Variants in DENND1B observed in about 807,000 individuals in gnomAD.
The protein encoded by DENND1B is DENN domain-containing protein 1B.
A neutral mutation model predicts 90.1 loss-of-function variants in DENND1B; 59 were observed. The ratio of observed to expected loss-of-function variants is 0.65; its 90% CI spans 0.53 to 0.81. DENND1B has a LOEUF of 0.81. Ranked by LOEUF, DENND1B falls within the 40% of genes least tolerant of loss-of-function variation. The probability of loss-of-function intolerance (pLI) is 0.00; values close to 1 mark genes in which losing one functional copy is unlikely to be tolerated. For synonymous variants in DENND1B, 337 were observed against 324.6 expected, an observed-to-expected ratio of 1.04 and a Z score of -0.41; for missense variants, 862 against 912.6, an observed-to-expected ratio of 0.94 and a Z score of 0.71.
chr1:197,775,583 GGGCCAGGTCCCCGCGCCCGGGC>G (rs1657219524), upstream of DENND1B: 1 of 155,642 alleles, frequency 6.4e-6, no homozygotes, highest in South Asian at 2.1e-4. Context: ...GAGGAGGCGG[GGGCCAGGTCCCCGCGCCCGGGC>G]GGCCAGAGGG....
At chr1:197,767,230 T>C (rs1300866698) in intron 2 of DENND1B, among the ~76,000 whole-genome samples, 1 of 152,036 alleles carries the variant, frequency 6.6e-6, no homozygotes, top group Non-Finnish European at 1.5e-5. Context: ...TTTAGACACA[T>C]CAGTATTTCT....
chr1:197,617,280 A>G lies in DENND1B; in HGVS notation c.773+379T>C, dbSNP rs552471335. ...GTAACAAGAGTATGCCCTGACAGAG[A>G]CAATGTGGTTGCTGGCAGATTTGCC... is the stretch of plus-strand genomic sequence containing the variant. On this transcript the variant is annotated intron_variant, in intron 11 of 22. Coordinates refer to ENST00000620048, the MANE Select transcript of DENND1B (RefSeq NM_001195215.2). 3.3e-5 allele frequency among the ~76,000 whole-genome samples: 5 copies of G among 151,124 alleles called. 1 individual carries two copies. In the South Asian group the frequency reaches 1.0e-3, roughly 31 times the overall value.
intron 13 of DENND1B, among the ~76,000 whole-genome samples, chr1:197,598,996 CCATG>C (rs1675957970): frequency 6.6e-6 from 1 of 151,776 alleles, no homozygotes; most frequent in African/African-American, 2.4e-5. Flanking sequence ...AAGCAGCCAT[CCATG>C]GGAAGAATTA....
intron 15 of DENND1B, among the ~76,000 whole-genome samples, chr1:197,556,377 AT>A (rs1319884804): frequency 2.0e-5 from 3 of 152,044 alleles, no homozygotes; most frequent in African/African-American, 7.2e-5. Flanking sequence ...GGAAACAACT[AT>A]TAATGGAAAA....
intron 5 of DENND1B, among the ~76,000 whole-genome samples, chr1:197,671,313 T>TA (rs1219955127): frequency 2.0e-5 from 3 of 152,162 alleles, no homozygotes; most frequent in Admixed American, 6.6e-5. Context: ...CCTTTCTTCC[T>TA]AACAGTCAGC....
At chr1:197,774,228 AT>A (rs1471226540) in intron 1 of DENND1B, among the ~76,000 whole-genome samples, 1 of 152,160 alleles carries the variant, frequency 6.6e-6, no homozygotes, top group African/African-American at 2.4e-5. Context: ...TCTTTCCCTA[AT>A]ATTCTTTAGA....
At chr1:197,729,555 G>T (rs989477604) in intron 2 of DENND1B, among the ~76,000 whole-genome samples, 2 of 152,090 alleles carry the variant, frequency 1.3e-5, no homozygotes, top group Non-Finnish European at 2.9e-5. Context: ...ACAAGCAAAT[G>T]AGCAGAGTAA....
At chr1:197,638,180 A>G (rs1470815756) in intron 10 of DENND1B, among the ~76,000 whole-genome samples, 1 of 152,248 alleles carries the variant, frequency 6.6e-6, no homozygotes, top group Admixed American at 6.5e-5. Context: ...GGGGGCAACT[A>G]TAACAAAGGA....
intron 15 of DENND1B, among the ~76,000 whole-genome samples, chr1:197,566,347 T>G (rs1418208781): frequency 6.6e-6 from 1 of 152,114 alleles, no homozygotes; most frequent in African/African-American, 2.4e-5. Context: ...GTTTGTTTTT[T>G]TCTTGTAAAT....
chr1:197,516,045 T>C (rs1156623876), intron 20 of DENND1B, among the ~76,000 whole-genome samples: 1 of 151,848 alleles, frequency 6.6e-6, no homozygotes, highest in Non-Finnish European at 1.5e-5. Flanking sequence ...GCTTCACAGA[T>C]ACATTTACAT....
intron 2 of DENND1B, among the ~76,000 whole-genome samples, chr1:197,770,785 AAT>A (rs1308782891): frequency 1.4e-5 from 2 of 139,566 alleles, no homozygotes; most frequent in South Asian, 2.2e-4. Flanking sequence ...TAAATATATA[AAT>A]ATATATCTAT....
intron 2 of DENND1B, among the ~76,000 whole-genome samples, chr1:197,770,312 G>A (rs1455392040): frequency 6.6e-6 from 1 of 152,058 alleles, no homozygotes; most frequent in Non-Finnish European, 1.5e-5. Context: ...TTTCTAAAAA[G>A]TAGTGATTTA....
At chr1:197,585,836 G>C (rs1186229248) in intron 14 of DENND1B, among the ~76,000 whole-genome samples, 1 of 152,060 alleles carries the variant, frequency 6.6e-6, no homozygotes, top group Non-Finnish European at 1.5e-5. Flanking sequence ...CATCCTTAAG[G>C]CATATGTTAT....
chr1:197,684,171 CT>C (rs1289735577), intron 3 of DENND1B, among the ~76,000 whole-genome samples: 1 of 152,308 alleles, frequency 6.6e-6, no homozygotes, highest in African/African-American at 2.4e-5. Context: ...AATGCTTACT[CT>C]GTGCCAAGTT....
At chr1:197,714,748 G>T (rs1031432587) in intron 3 of DENND1B, among the ~76,000 whole-genome samples, 1 of 151,944 alleles carries the variant, frequency 6.6e-6, no homozygotes, top group Non-Finnish European at 1.5e-5. Flanking sequence ...CAAATATATA[G>T]TCTATAGATA....
At chr1:197,684,066 T>A (rs1272554750) in intron 3 of DENND1B, among the ~76,000 whole-genome samples, 1 of 152,186 alleles carries the variant, frequency 6.6e-6, no homozygotes, top group Non-Finnish European at 1.5e-5. Context: ...TTTAGCACCA[T>A]CAGAATCAAT....
intron 15 of DENND1B, among the ~76,000 whole-genome samples, chr1:197,562,165 T>C (rs560410071): frequency 1.3e-5 from 2 of 152,060 alleles, no homozygotes; most frequent in African/African-American, 4.8e-5. Flanking sequence ...TAAATTATAA[T>C]TTGTTATTAG....
At chr1:197,535,361 G>A (rs1669799758) in intron 20 of DENND1B, among the ~76,000 whole-genome samples, 1 of 152,106 alleles carries the variant, frequency 6.6e-6, no homozygotes, top group Non-Finnish European at 1.5e-5. Flanking sequence ...CCCCCACTGG[G>A]TGCCTGAAAG....
chr1:197,595,088 T>C, intron 14 of DENND1B, 120 bp downstream of exon 14: 1 of 1,329,704 alleles, frequency 7.5e-7, no homozygotes, highest in Non-Finnish European at 1.0e-6. Flanking sequence ...TTTTGGATCT[T>C]AAAAGATTTC....
Sources: allele counts gnomAD v4.1 joint callset (sites outside exome capture counted in the v4.1 genomes callset), GRCh38; gene constraint gnomAD v4.1.1; transcripts MANE v1.5; gene names NCBI Gene and HGNC (gene_info 2026-07-23, HGNC 2026-07-21).